Variants in DMD observed in about 807,000 individuals in gnomAD.
DMD encodes the protein dystrophin, also known as mutant dystrophin.
DMD carries 63 observed loss-of-function variants against 330.1 expected under a neutral mutation model. That is an observed-to-expected ratio of 0.19 (90% CI 0.16 to 0.24). DMD has a LOEUF of 0.24. DMD is among the 10% of genes least tolerant of loss of function. The probability of loss-of-function intolerance (pLI) is 1.00; values close to 1 mark genes in which losing one functional copy is unlikely to be tolerated. For synonymous variants in DMD, 1,223 were observed against 959.8 expected (o/e 1.27, Z -5.07); for missense variants, 3,344 against 2,684.1 (o/e 1.25, Z -5.43).
At chrX:32,517,943 A>G in intron 18 of DMD, 65 bp downstream of exon 18, 1 of 1,123,509 alleles carries the variant, frequency 8.9e-7, no homozygotes, top group Non-Finnish European at 1.2e-6. Flanking sequence ...ATCACAGATA[A>G]CAAAGCACGG....
chrX:32,380,156 G>A lies in DMD; in HGVS notation c.4845+354C>T, dbSNP rs151034013. On this transcript the variant is annotated intron_variant, in intron 34 of 78. Coordinates refer to ENST00000357033, the MANE Select transcript of DMD (RefSeq NM_004006.3). ...CAGCCCAACTGTCTTCAATCTCTGT[G>A]TCCTTGCCCTCTTCATGGCTGTGGG... Among the ~76,000 whole-genome samples the A allele has an allele frequency of 2.2e-4, 24 of 111,591 alleles. No homozygotes were observed. The East Asian group carries it at 6.6e-3, about 31-fold the overall frequency.
chrX:31,478,437 G>A, intron 58 of DMD, 63 bp from the exon 59 acceptor site: 2 of 1,186,539 alleles, frequency 1.7e-6, no homozygotes, highest in Non-Finnish European at 2.3e-6. Flanking sequence ...TGTCAAAAAG[G>A]TCATACTGGA....
chrX:32,780,475 T>A (rs2074611923), intron 7 of DMD, among the ~76,000 whole-genome samples: 1 of 112,340 alleles, frequency 8.9e-6, no homozygotes, highest in Admixed American at 9.5e-5. Flanking sequence ...ACCACAGGTA[T>A]ATGTTTTAGC....
intron 29 of DMD, among the ~76,000 whole-genome samples, chrX:32,430,613 T>C (rs1307495069): frequency 8.9e-6 from 1 of 111,769 alleles, no homozygotes; most frequent in East Asian, 2.8e-4. Flanking sequence ...TTTAAGTAAA[T>C]AGACTAACTA....
intron 9 of DMD, among the ~76,000 whole-genome samples, chrX:32,683,923 T>C (rs149626964): frequency 5.4e-3 from 586 of 108,235 alleles, no homozygotes; most frequent in Middle Eastern, 0.024. Context: ...ACGGTAAAAA[T>C]AGTAAGTTGT....
intron 50 of DMD, among the ~76,000 whole-genome samples, chrX:31,810,880 C>T (rs191193212): frequency 1.4e-4 from 16 of 111,753 alleles, no homozygotes; most frequent in East Asian, 1.1e-3. Flanking sequence ...TTATGGTATA[C>T]TCTGTAGTGA....
intron 2 of DMD, among the ~76,000 whole-genome samples, chrX:32,915,149 G>A (rs889805837): frequency 9.0e-6 from 1 of 111,432 alleles, no homozygotes; most frequent in Non-Finnish European, 1.9e-5. Flanking sequence ...CCAAAGTTGG[G>A]GGGACATGGG....
At chrX:32,590,418 A>G (rs1227408603) in intron 13 of DMD, among the ~76,000 whole-genome samples, 3 of 111,298 alleles carry the variant, frequency 2.7e-5, no homozygotes, top group African/African-American at 9.8e-5. Flanking sequence ...TCACTGATGA[A>G]GTATTGTTTC....
At chrX:32,476,256 TTCTGA>T (rs1200542067) in intron 21 of DMD, among the ~76,000 whole-genome samples, 1 of 111,680 alleles carries the variant, frequency 9.0e-6, no homozygotes, top group Non-Finnish European at 1.9e-5. Context: ...TCTGTATAAC[TTCTGA>T]TCTGTCCAAC....
At chrX:32,199,311 CA>C (rs1396454835) in intron 44 of DMD, among the ~76,000 whole-genome samples, 2 of 111,639 alleles carry the variant, frequency 1.8e-5, no homozygotes, top group East Asian at 5.7e-4. Context: ...TCAACCTGAA[CA>C]AACTACAGAA....
chrX:32,357,367 C>T (rs776467460), intron 37 of DMD, among the ~76,000 whole-genome samples: 2 of 111,217 alleles, frequency 1.8e-5, no homozygotes, highest in Admixed American at 1.9e-4. Context: ...ATCAATCTGA[C>T]CTAGAAAAAT....
Position 31,478,967 on chromosome X carries a change from T to C in DMD, c.8668+16A>G. 2 of 1,209,120 alleles carry C rather than the reference T, an allele frequency of 1.7e-6. No individual in the cohort carries two copies. The highest frequency in any genetic ancestry group is 2.2e-6 in the Non-Finnish European group (2 of 893,348). ...TCCTTCTATCAATATGTTATTATAG[T>C]TCCACATTCAATTACCTCTGGGCTC... On this transcript the variant is annotated intron_variant, in intron 58 of 78. Transcript: ENST00000357033.
intron 63 of DMD, among the ~76,000 whole-genome samples, chrX:31,252,645 G>A (rs768754862): frequency 1.8e-5 from 2 of 112,446 alleles, no homozygotes; most frequent in Admixed American, 1.9e-4. Context: ...ATAGCTGTGT[G>A]AGGATTAAAT....
At chrX:32,456,618 ATGTG>A (rs776009074) in intron 25 of DMD, among the ~76,000 whole-genome samples, 3 of 69,407 alleles carry the variant, frequency 4.3e-5, no homozygotes, top group East Asian at 4.9e-4. Context: ...GTGTGTGTGT[ATGTG>A]TGTGTGTGTG....
At chrX:32,063,165 AAAT>A (rs963317553) in intron 44 of DMD, among the ~76,000 whole-genome samples, 8 of 90,200 alleles carry the variant, frequency 8.9e-5, no homozygotes, top group African/African-American at 3.6e-4. Context: ...TTTTCTACTC[AAAT>A]AATGTTTTAA....
At chrX:32,983,908 T>A (rs1381851825) in intron 2 of DMD, among the ~76,000 whole-genome samples, 2 of 111,502 alleles carry the variant, frequency 1.8e-5, no homozygotes, top group Non-Finnish European at 3.8e-5. Flanking sequence ...ATCTTATTTT[T>A]AAAAAATGCT....
intron 34 of DMD, among the ~76,000 whole-genome samples, chrX:32,371,488 A>AT (rs2097877791): frequency 9.0e-6 from 1 of 110,576 alleles, no homozygotes; most frequent in South Asian, 3.8e-4. Flanking sequence ...CACCATGGAT[A>AT]TTTAGGGGTT....
At chrX:31,516,278 C>CAAAAAAAA (rs72056571) in intron 55 of DMD, among the ~76,000 whole-genome samples, 1 of 51,869 alleles carries the variant, frequency 1.9e-5, no homozygotes, top group Non-Finnish European at 3.7e-5. Context: ...AAAACAAGCG[C>CAAAAAAAA]AAAAAAAAAA....
intron 1 of DMD, among the ~76,000 whole-genome samples, chrX:33,337,002 A>G (rs148831889): frequency 0.011 from 1,278 of 111,489 alleles, 22 homozygotes; most frequent in African/African-American, 0.039. Flanking sequence ...CGTCTGTCCA[A>G]TCCATTCATC....
Sources: gnomAD v4.1 joint callset for allele counts (sites outside exome capture counted in the v4.1 genomes callset) on GRCh38, gnomAD v4.1.1 for gene constraint, MANE v1.5 for transcripts, NCBI Gene and HGNC (gene_info 2026-07-23, HGNC 2026-07-21) for gene names.